ARHGAP42: variants seen among roughly 807,000 people sequenced by gnomAD.
The protein encoded by ARHGAP42 is Rho GTPase activating protein 42.
A neutral mutation model predicts 125.0 loss-of-function variants in ARHGAP42; 63 were observed. The observed-to-expected ratio is 0.50, with a 90% CI of 0.41 to 0.62. The LOEUF (loss-of-function observed/expected upper bound fraction) is 0.62, where lower values mean the gene tolerates loss of function less well. Among genes scored for constraint, ARHGAP42 ranks in the 20% least tolerant of loss-of-function variants. The pLI, the probability that ARHGAP42 is intolerant of heterozygous loss-of-function variation, is 0.00. For synonymous variants in ARHGAP42, 339 were observed against 351.0 expected (o/e 0.97, Z 0.38); for missense variants, 766 against 1,024.2 (o/e 0.75, Z 3.44).
intron 4 of ARHGAP42, among the ~76,000 whole-genome samples, chr11:100,906,870 T>C (rs1264641944): frequency 6.6e-6 from 1 of 152,220 alleles, no homozygotes; most frequent in East Asian, 1.9e-4. Flanking sequence ...TAGCACTCCA[T>C]AGTACACATC....
chr11:100,818,694 A>T (rs1327115722), intron 3 of ARHGAP42, among the ~76,000 whole-genome samples: 1 of 152,206 alleles, frequency 6.6e-6, no homozygotes, highest in Non-Finnish European at 1.5e-5. Context: ...TAAACAGGGC[A>T]GTGAAAGGCA....
chr11:100,701,207 A>G (rs952833006), intron 1 of ARHGAP42, among the ~76,000 whole-genome samples: 2 of 151,996 alleles, frequency 1.3e-5, no homozygotes, highest in Non-Finnish European at 2.9e-5. Context: ...ATATTCAGTA[A>G]ACAGTGTACT....
chr11:100,922,909 C>T (rs1591298078), intron 6 of ARHGAP42, among the ~76,000 whole-genome samples: 1 of 152,364 alleles, frequency 6.6e-6, no homozygotes, highest in African/African-American at 2.4e-5. Context: ...AAGACCACCA[C>T]TCAGGCTCAG....
intron 11 of ARHGAP42, 146 bp downstream of exon 11, chr11:100,948,681 G>T: frequency 1.7e-6 from 1 of 590,246 alleles, no homozygotes; most frequent in South Asian, 3.6e-5. Context: ...AGACTTTTAT[G>T]GTTTCCTAGT....
intron 3 of ARHGAP42, among the ~76,000 whole-genome samples, chr11:100,804,020 C>T (rs1391102335): frequency 1.3e-5 from 2 of 152,206 alleles, no homozygotes; most frequent in Non-Finnish European, 2.9e-5. Context: ...GAGACAGAAT[C>T]TCACTCTGTC....
intron 3 of ARHGAP42, among the ~76,000 whole-genome samples, chr11:100,811,082 A>T (rs1002768302): frequency 6.6e-6 from 1 of 152,030 alleles, no homozygotes; most frequent in African/African-American, 2.4e-5. Flanking sequence ...CAGCCTCTTC[A>T]GTAGCTGGCA....
At chr11:100,726,724 A>G (rs919352067) in intron 1 of ARHGAP42, among the ~76,000 whole-genome samples, 1 of 152,252 alleles carries the variant, frequency 6.6e-6, no homozygotes, top group Non-Finnish European at 1.5e-5. Context: ...GAAGCCTTGT[A>G]TAATTTCAGC....
At chr11:100,716,552 G>A (rs1312927612) in intron 1 of ARHGAP42, among the ~76,000 whole-genome samples, 1 of 152,060 alleles carries the variant, frequency 6.6e-6, no homozygotes, top group South Asian at 2.1e-4. Context: ...TCACTTGTAT[G>A]TTTATTGTGT....
chr11:100,976,754 G>C, intron 20 of ARHGAP42, 61 bp from the exon 21 acceptor site: 1 of 1,529,656 alleles, frequency 6.5e-7, no homozygotes, highest in Non-Finnish European at 8.8e-7. Context: ...GCACATGTAC[G>C]TGTTATTGCT....
intron 1 of ARHGAP42, among the ~76,000 whole-genome samples, chr11:100,728,540 A>G (rs939632493): frequency 5.3e-5 from 8 of 151,920 alleles, no homozygotes; most frequent in African/African-American, 1.9e-4. Context: ...TTTCCCCTCT[A>G]TTTGAGGAAT....
At chr11:100,694,178 C>T (rs188928124) in intron 1 of ARHGAP42, among the ~76,000 whole-genome samples, 1 of 152,096 alleles carries the variant, frequency 6.6e-6, no homozygotes, top group Admixed American at 6.5e-5. Context: ...AGTGATCCAC[C>T]CACCTCAGCT....
chr11:100,873,777 G>A (rs1461570740), intron 4 of ARHGAP42, among the ~76,000 whole-genome samples: 4 of 152,124 alleles, frequency 2.6e-5, no homozygotes, highest in African/African-American at 9.7e-5. Flanking sequence ...CACAGAAAGG[G>A]CAATGTAATT....
intron 6 of ARHGAP42, among the ~76,000 whole-genome samples, chr11:100,932,894 T>C (rs1452534267): frequency 6.6e-6 from 1 of 152,192 alleles, no homozygotes; most frequent in African/African-American, 2.4e-5. Flanking sequence ...ATTTCTTCAA[T>C]GCATTTGAAT....
At chr11:100,777,079 T>C (rs1339875468) in intron 2 of ARHGAP42, among the ~76,000 whole-genome samples, 2 of 151,924 alleles carry the variant, frequency 1.3e-5, no homozygotes, top group Non-Finnish European at 2.9e-5. Flanking sequence ...TACTGATTGA[T>C]GGATGAGAGC....
intron 6 of ARHGAP42, among the ~76,000 whole-genome samples, chr11:100,923,411 T>C (rs1398520062): frequency 1.3e-5 from 2 of 152,204 alleles, no homozygotes; most frequent in African/African-American, 4.8e-5. Flanking sequence ...GAATAATCCT[T>C]TCACATCTGT....
chr11:100,690,488 G>A (rs955965813), intron 1 of ARHGAP42, among the ~76,000 whole-genome samples: 2 of 152,148 alleles, frequency 1.3e-5, no homozygotes, highest in African/African-American at 4.8e-5. Flanking sequence ...TATTTGGAAG[G>A]CTCCTTTAAA....
At chr11:100,708,697 C>T (rs1489011602) in intron 1 of ARHGAP42, among the ~76,000 whole-genome samples, 1 of 151,794 alleles carries the variant, frequency 6.6e-6, no homozygotes, top group African/African-American at 2.4e-5. Flanking sequence ...TTAATTTAAC[C>T]TCCCATGTTC....
chr11:100,857,224 GA>G (rs1865341999), intron 3 of ARHGAP42, among the ~76,000 whole-genome samples: 1 of 150,886 alleles, frequency 6.6e-6, no homozygotes, highest in Non-Finnish European at 1.5e-5. Flanking sequence ...AACGGGAGAA[GA>G]AGAAAAAAAA....
chr11:100,946,272 C>G (rs1429088431), intron 10 of ARHGAP42, among the ~76,000 whole-genome samples: 1 of 152,064 alleles, frequency 6.6e-6, no homozygotes, highest in African/African-American at 2.4e-5. Context: ...GTTTGATCTT[C>G]TATACACACC....
Sources: gnomAD v4.1 joint callset for allele counts (sites outside exome capture counted in the v4.1 genomes callset) on GRCh38, gnomAD v4.1.1 for gene constraint, MANE v1.5 for transcripts, NCBI Gene and HGNC (gene_info 2026-07-23, HGNC 2026-07-21) for gene names.